EYS: variants seen among roughly 807,000 people sequenced by gnomAD.
EYS encodes the protein protein eyes shut homolog.
A neutral mutation model predicts 282.1 loss-of-function variants in EYS; 250 were observed. The ratio of observed to expected loss-of-function variants is 0.89; its 90% CI spans 0.80 to 0.98. The LOEUF (loss-of-function observed/expected upper bound fraction) is 0.98. Among genes scored for constraint, EYS ranks in the 50% least tolerant of loss-of-function variants. The pLI is 0.00. For synonymous variants in EYS, 1,355 were observed against 1,282.9 expected, an observed-to-expected ratio of 1.06 and a Z score of -1.20; for missense variants, 4,016 against 3,709.0, an observed-to-expected ratio of 1.08 and a Z score of -2.15.
At chr6:64,849,260 T>C (rs563540817) in intron 19 of EYS, among the ~76,000 whole-genome samples, 3 of 151,762 alleles carry the variant, frequency 2.0e-5, no homozygotes, top group Non-Finnish European at 2.9e-5. Flanking sequence ...ATATTTATAA[T>C]TTAATTAATA....
At chr6:65,144,942 T>C (rs1764440366) in intron 12 of EYS, among the ~76,000 whole-genome samples, 1 of 151,934 alleles carries the variant, frequency 6.6e-6, no homozygotes, top group Non-Finnish European at 1.5e-5. Flanking sequence ...GCTTGTTTTT[T>C]GTATTTTTAG....
In EYS at chr6:64,066,506, G is replaced by C; in HGVS notation, c.6572-15C>G. The C allele has an allele frequency of 1.4e-6, 2 of 1,405,960 alleles. No individual in the cohort carries two copies. Among genetic ancestry groups the C allele is most frequent in the Non-Finnish European group, 2.0e-6 (2 of 1,024,442 alleles). The allele number at this position is 1,405,960 out of a possible 1,614,324, so 87.1% of individuals were successfully genotyped here. ...ATTCCCATTACCTTTAAGAAAAAAA[G>C]AATATATTAGTAATTATTGTAGATT... On this transcript the variant is annotated splice_polypyrimidine_tract_variant and intron_variant, in intron 32 of 42. Coordinates refer to ENST00000503581, the MANE Select transcript of EYS (RefSeq NM_001142800.2).
intron 35 of EYS, among the ~76,000 whole-genome samples, chr6:63,895,662 A>G (rs1773517426): frequency 6.6e-6 from 1 of 152,180 alleles, no homozygotes; most frequent in South Asian, 2.1e-4. Context: ...ACCTCATCAC[A>G]TACAGAGTAA....
intron 29 of EYS, among the ~76,000 whole-genome samples, chr6:64,357,976 T>C (rs979376872): frequency 6.6e-6 from 1 of 151,640 alleles, no homozygotes; most frequent in African/African-American, 2.4e-5. Flanking sequence ...TTCAAGTATA[T>C]GGAGCTGTGA....
At chr6:65,238,248 TA>T (rs1766974493) in intron 12 of EYS, among the ~76,000 whole-genome samples, 1 of 149,810 alleles carries the variant, frequency 6.7e-6, no homozygotes, top group Admixed American at 6.7e-5. Context: ...ATAATCCTTT[TA>T]AAAATATAAT....
chr6:64,644,699 A>G (rs1204273240), intron 22 of EYS, among the ~76,000 whole-genome samples: 1 of 152,140 alleles, frequency 6.6e-6, no homozygotes, highest in Non-Finnish European at 1.5e-5. Flanking sequence ...ATGTTTGCAA[A>G]CCAATTCCTG....
At chr6:65,583,400 A>T (rs1764935407) in intron 2 of EYS, among the ~76,000 whole-genome samples, 1 of 152,086 alleles carries the variant, frequency 6.6e-6, no homozygotes, top group Non-Finnish European at 1.5e-5. Flanking sequence ...ATTACTTTAT[A>T]TAAGTGGTAG....
intron 16 of EYS, among the ~76,000 whole-genome samples, chr6:64,910,976 G>C (rs1767973240): frequency 6.6e-6 from 1 of 151,896 alleles, no homozygotes; most frequent in Non-Finnish European, 1.5e-5. Context: ...TTTATATTCT[G>C]AGATTTTTTT....
At chr6:65,213,091 G>T (rs542440092) in intron 12 of EYS, among the ~76,000 whole-genome samples, 15 of 151,960 alleles carry the variant, frequency 9.9e-5, no homozygotes, top group Non-Finnish European at 1.8e-4. Flanking sequence ...TTTATAGTCA[G>T]AAACACTTCT....
rs34941445 is a variant in EYS, at chr6:65,519,891, A to AT, written c.-332-23899dup. On this transcript the variant is annotated intron_variant, in intron 2 of 42. Transcript: ENST00000503581. ...GCCATCACACTTGGCTAATTTTTCT[A>AT]TTTTTTTTTTTTTGTAGAGATGAGG... is the stretch of plus-strand genomic sequence containing the variant. Among the ~76,000 whole-genome samples, 766 of 133,540 alleles carry AT rather than the reference A, an allele frequency of 5.7e-3. 18 individuals are homozygous for AT. In the East Asian group the frequency reaches 0.067, roughly 12 times the overall value. The allele number at this position is 133,540 out of a possible 152,430, so 87.6% of individuals were successfully genotyped here.
At chr6:63,981,379 A>C (rs1188670592) in intron 35 of EYS, among the ~76,000 whole-genome samples, 2 of 151,952 alleles carry the variant, frequency 1.3e-5, no homozygotes, top group Non-Finnish European at 2.9e-5. Context: ...AAGAATTAAA[A>C]AAAAATTGTT....
chr6:64,553,049 G>A (rs1036528775), intron 26 of EYS, among the ~76,000 whole-genome samples: 5 of 151,080 alleles, frequency 3.3e-5, no homozygotes, highest in African/African-American at 4.9e-5. Context: ...CATCTTGCAT[G>A]TATTGATTGA....
intron 14 of EYS, among the ~76,000 whole-genome samples, chr6:64,967,692 T>C (rs991005849): frequency 2.0e-5 from 3 of 152,162 alleles, no homozygotes; most frequent in African/African-American, 7.2e-5. Flanking sequence ...GGATTAACAC[T>C]ACTTTACAAA....
chr6:64,636,228 G>A (rs1182606689), intron 22 of EYS, among the ~76,000 whole-genome samples: 1 of 152,138 alleles, frequency 6.6e-6, no homozygotes, highest in Admixed American at 6.5e-5. Context: ...CATGGTACTA[G>A]TACCAAAACA....
At chr6:65,361,489 C>CT (rs56757711) in intron 8 of EYS, among the ~76,000 whole-genome samples, 66 of 147,488 alleles carry the variant, frequency 4.5e-4, no homozygotes, top group Middle Eastern at 3.5e-3. Context: ...TCGTTCGTTC[C>CT]TTTTTTTTTT....
chr6:64,331,524 G>A (rs1163191839), intron 29 of EYS, among the ~76,000 whole-genome samples: 1 of 152,218 alleles, frequency 6.6e-6, no homozygotes, highest in Non-Finnish European at 1.5e-5. Context: ...AGGCATTTGA[G>A]CAGGACAGTG....
rs191936743 is a variant in EYS, at chr6:64,548,381, A to G, written c.5644+41842T>C. On this transcript the variant is annotated intron_variant, in intron 26 of 42. Coordinates refer to ENST00000503581, the MANE Select transcript of EYS (RefSeq NM_001142800.2). ...CTGCTATAAAGACACATGAAAACGT[A>G]TGTTTATTGCGGCACTATTCACAGT... is the stretch of plus-strand genomic sequence containing the variant. 4.6e-5 allele frequency among the ~76,000 whole-genome samples: 7 copies of G among 152,316 alleles called. No homozygotes were observed. In the East Asian group the frequency reaches 1.4e-3, roughly 29 times the overall value.
At chr6:65,210,893 C>T (rs995651667) in intron 12 of EYS, among the ~76,000 whole-genome samples, 1 of 151,246 alleles carries the variant, frequency 6.6e-6, no homozygotes, top group East Asian at 1.9e-4. Flanking sequence ...CTGCATGCAG[C>T]CTTTCCTGAT....
At position 64,626,193 on chromosome 6, in the gene EYS, A is replaced by G. The variant is rs1246114490; in HGVS notation, c.3496T>C (p.Ser1166Pro). ...QFCEININEC[S>P]SSPCLHGADC... ...GCACCATGTAGACATGGTGATGAAG[A>G]GCATTCATTTATATTAATTTCACAA... is the stretch of plus-strand genomic sequence containing the variant. The change falls in exon 23 of 43, where the codon TCT becomes CCT. Residue 1166 changes from serine (S) to proline (P), a missense_variant. Coordinates refer to ENST00000503581, the MANE Select transcript of EYS (RefSeq NM_001142800.2). 1 of 1,539,586 alleles carries G rather than the reference A, an allele frequency of 6.5e-7. No individual in the cohort carries two copies.
Sources: allele counts gnomAD v4.1 joint callset (sites outside exome capture counted in the v4.1 genomes callset), GRCh38; gene constraint gnomAD v4.1.1; transcripts MANE v1.5; gene names NCBI Gene and HGNC (gene_info 2026-07-23, HGNC 2026-07-21).